The following AFG1L variants were observed in gnomAD, a reference collection of about 807,000 sequenced individuals.
AFG1L encodes the protein AFG1 like ATPase, also known as AFG1-like ATPase.
A neutral mutation model predicts 62.2 loss-of-function variants in AFG1L; 53 were observed. The observed-to-expected ratio is 0.85, with a 90% confidence interval of 0.68 to 1.07. The LOEUF (loss-of-function observed/expected upper bound fraction) is 1.07, where lower values mean the gene tolerates loss of function less well. AFG1L is among the 50% of genes least tolerant of loss of function. AFG1L has a pLI of 0.00. For missense variants in AFG1L, 555 were observed against 590.5 expected (o/e 0.94, Z 0.62); for synonymous variants, 228 against 210.3 (o/e 1.08, Z -0.73).
intron 1 of AFG1L, among the ~76,000 whole-genome samples, chr6:108,316,347 C>G (rs1464385937): frequency 1.8e-5 from 2 of 109,524 alleles, no homozygotes; most frequent in Non-Finnish European, 3.5e-5. Context: ...CGCCACTGCA[C>G]TCCAGCCTGG....
At chr6:108,492,674 A>G (rs1773820932) in intron 10 of AFG1L, among the ~76,000 whole-genome samples, 2 of 152,156 alleles carry the variant, frequency 1.3e-5, no homozygotes, top group South Asian at 4.1e-4. Flanking sequence ...TTATTTTAAC[A>G]AAGGAGCTTG....
At chr6:108,495,721 A>G (rs767102878) in intron 10 of AFG1L, among the ~76,000 whole-genome samples, 88 of 152,224 alleles carry the variant, frequency 5.8e-4, no homozygotes, top group Non-Finnish European at 1.0e-3. Flanking sequence ...ATTAAGGAAA[A>G]CAAATACTCT....
intron 1 of AFG1L, 109 bp downstream of exon 1, chr6:108,295,327 G>T: frequency 7.8e-7 from 1 of 1,281,862 alleles, no homozygotes; most frequent in Non-Finnish European, 1.1e-6. Flanking sequence ...CTTTCACGAA[G>T]CTGAGGGCTC....
At chr6:108,354,793 T>G (rs1391401771) in intron 3 of AFG1L, among the ~76,000 whole-genome samples, 1 of 152,078 alleles carries the variant, frequency 6.6e-6, no homozygotes, top group Admixed American at 6.5e-5. Flanking sequence ...ATTTTTGGAG[T>G]TTTCCATTTA....
At chr6:108,383,141 G>A (rs1219607630) in intron 6 of AFG1L, among the ~76,000 whole-genome samples, 1 of 152,158 alleles carries the variant, frequency 6.6e-6, no homozygotes, top group African/African-American at 2.4e-5. Flanking sequence ...GCTGAAGCAT[G>A]AGAATTGTTT....
At chr6:108,495,634 G>A (rs941481587) in intron 10 of AFG1L, among the ~76,000 whole-genome samples, 1 of 152,166 alleles carries the variant, frequency 6.6e-6, no homozygotes, top group Admixed American at 6.5e-5. Context: ...GGAGAAAAAA[G>A]ACAGCAAGCA....
In AFG1L at chr6:108,525,116, G is replaced by A. The variant is rs759928530; in HGVS notation, c.*2691G>A. On this transcript the variant is annotated 3_prime_UTR_variant, in exon 13 of 13. Coordinates refer to ENST00000368977, the MANE Select transcript of AFG1L (RefSeq NM_145315.5). ...AAGCTCCTGCTCAATTCAAAACACAGACCGGGGGGATGTCTTTAGAGTCAG... is the reference window on the plus strand; with the variant it reads ...AAGCTCCTGCTCAATTCAAAACACAAACCGGGGGGATGTCTTTAGAGTCAG... 6.6e-6 allele frequency: 1 copy of A among 152,198 alleles called. No individual in the cohort carries two copies. Among genetic ancestry groups the A allele is most frequent in the Non-Finnish European group, 1.5e-5 (1 of 68,044 alleles). The allele number at this position is 152,198 out of a possible 1,614,324, so 9.4% of individuals were successfully genotyped here.
At chr6:108,435,149 TC>T (rs1413340882) in intron 7 of AFG1L, among the ~76,000 whole-genome samples, 3 of 152,136 alleles carry the variant, frequency 2.0e-5, no homozygotes, top group African/African-American at 7.2e-5. Context: ...AGTGTATTAG[TC>T]ACATGAACTC....
At chr6:108,346,172 A>C (rs994220421) in intron 2 of AFG1L, among the ~76,000 whole-genome samples, 1 of 152,198 alleles carries the variant, frequency 6.6e-6, no homozygotes, top group African/African-American at 2.4e-5. Context: ...GTAAATACAC[A>C]CATAAGATTT....
chr6:108,367,078 C>CTTTACCCTGCTCTCTCT (rs1199919284), intron 6 of AFG1L, among the ~76,000 whole-genome samples: 2 of 152,278 alleles, frequency 1.3e-5, no homozygotes, highest in East Asian at 3.9e-4. Flanking sequence ...TGCTGCTTCC[C>CTTTACCCTGCTCTCTCT]TTTACCCTGC....
intron 6 of AFG1L, among the ~76,000 whole-genome samples, chr6:108,395,778 T>C (rs959574312): frequency 1.5e-5 from 2 of 135,214 alleles, no homozygotes; most frequent in African/African-American, 5.6e-5. Flanking sequence ...GGGAGGGAGA[T>C]AGGTAGAGAG....
In AFG1L at chr6:108,523,735, A is replaced by C. The variant is rs1432808788; in HGVS notation, c.*1310A>C. On this transcript the variant is annotated 3_prime_UTR_variant, in exon 13 of 13. Coordinates refer to ENST00000368977, the MANE Select transcript of AFG1L (RefSeq NM_145315.5). ...TTAATTTCTTAGTCAATAATCCATC[A>C]CATAGTCTCTTTTAGATATTAACCT... 6.6e-6 allele frequency: 1 copy of C among 152,122 alleles called. No individual in the cohort carries two copies. Among genetic ancestry groups the C allele is most frequent in the Admixed American group, 6.5e-5 (1 of 15,270 alleles). 9.4% of individuals were successfully genotyped at this position (152,122 alleles called of 1,614,324 possible).
intron 3 of AFG1L, among the ~76,000 whole-genome samples, chr6:108,348,241 G>A (rs761849165): frequency 7.2e-5 from 11 of 152,120 alleles, no homozygotes; most frequent in Non-Finnish European, 1.5e-4. Context: ...ACCATGCCCG[G>A]CTAATTTTTT....
At chr6:108,470,332 A>G (rs115471454) in intron 8 of AFG1L, among the ~76,000 whole-genome samples, 2,973 of 152,212 alleles carry the variant, frequency 0.02, 63 homozygotes, top group South Asian at 0.09. Flanking sequence ...CTGTTGTTCC[A>G]TTTCCCCCTC....
chr6:108,467,101 T>C (rs1582628564), intron 8 of AFG1L, among the ~76,000 whole-genome samples: 1 of 152,186 alleles, frequency 6.6e-6, no homozygotes, highest in East Asian at 1.9e-4. Context: ...TTGACCAATG[T>C]CAGTGCAAAA....
At chr6:108,416,141 C>T (rs559647099) in intron 7 of AFG1L, among the ~76,000 whole-genome samples, 35 of 152,306 alleles carry the variant, frequency 2.3e-4, no homozygotes, top group Non-Finnish European at 3.8e-4. Flanking sequence ...CAAAAGAAGA[C>T]ATTTATGCAA....
At chr6:108,420,710 T>C (rs1770547948) in intron 7 of AFG1L, among the ~76,000 whole-genome samples, 1 of 151,926 alleles carries the variant, frequency 6.6e-6, no homozygotes, top group Admixed American at 6.6e-5. Context: ...TCTCTAATTA[T>C]CTCATATAAA....
At chr6:108,398,570 A>G (rs1300066486) in intron 6 of AFG1L, among the ~76,000 whole-genome samples, 2 of 152,212 alleles carry the variant, frequency 1.3e-5, no homozygotes, top group Non-Finnish European at 2.9e-5. Flanking sequence ...GTTTTCTTAC[A>G]GTAGTTTCAT....
rs114969798 is a variant in AFG1L, at chr6:108,422,836, G to A, written c.807+20782G>A. On this transcript the variant is annotated intron_variant, in intron 7 of 12. Coordinates refer to ENST00000368977, the MANE Select transcript of AFG1L (RefSeq NM_145315.5). ...TTTATAAGCATTGCCCTGCTTTAGA[G>A]TAGTTTTACTATGACGTTTTGATTC... 7.1e-3 allele frequency among the ~76,000 whole-genome samples: 1,087 copies of A among 152,164 alleles called. 21 individuals carry two copies. The highest frequency in any genetic ancestry group is 0.025 in the African/African-American group (1,042 of 41,546).
Sources: allele counts gnomAD v4.1 joint callset (sites outside exome capture counted in the v4.1 genomes callset), GRCh38; gene constraint gnomAD v4.1.1; transcripts MANE v1.5; gene names NCBI Gene and HGNC (gene_info 2026-07-23, HGNC 2026-07-21).